The following MAST2 variants were observed in gnomAD, a reference collection of about 807,000 sequenced individuals.
MAST2 encodes microtubule associated serine/threonine kinase 2, also known as microtubule-associated serine/threonine-protein kinase 2.
MAST2 carries 70 observed loss-of-function variants against 147.4 expected under a neutral mutation model. The observed-to-expected ratio is 0.47, with a 90% CI of 0.39 to 0.58. The LOEUF (loss-of-function observed/expected upper bound fraction) is 0.58. Among genes scored for constraint, MAST2 ranks in the 20% least tolerant of loss-of-function variants. The pLI is 0.00. For missense variants in MAST2, 2,080 were observed against 2,302.3 expected (o/e 0.90, Z 1.98); for synonymous variants, 869 against 896.8 (o/e 0.97, Z 0.55).
intron 4 of MAST2, among the ~76,000 whole-genome samples, chr1:45,938,363 A>G (rs902109124): frequency 3.6e-4 from 55 of 152,148 alleles, no homozygotes; most frequent in African/African-American, 1.2e-3. Flanking sequence ...TCACTCTGTC[A>G]TCCAGGTTGG....
At chr1:45,974,615 C>G (rs1365864097) in intron 5 of MAST2, among the ~76,000 whole-genome samples, 1 of 152,032 alleles carries the variant, frequency 6.6e-6, no homozygotes, top group Non-Finnish European at 1.5e-5. Context: ...ATATTTTTTT[C>G]TCACTAAAAT....
At chr1:45,835,772 C>A (rs1645085254) in intron 3 of MAST2, among the ~76,000 whole-genome samples, 1 of 152,130 alleles carries the variant, frequency 6.6e-6, no homozygotes, top group Non-Finnish European at 1.5e-5. Context: ...ATTCCACCCT[C>A]ATTCTAGCTA....
At chr1:45,981,282 G>A (rs914984518) in intron 5 of MAST2, among the ~76,000 whole-genome samples, 2 of 152,074 alleles carry the variant, frequency 1.3e-5, no homozygotes, top group African/African-American at 2.4e-5. Flanking sequence ...ATGTTGGCCC[G>A]TCTGGTCTCA....
intron 4 of MAST2, among the ~76,000 whole-genome samples, chr1:45,886,520 A>G (rs1387378319): frequency 2.0e-5 from 3 of 152,034 alleles, no homozygotes; most frequent in African/African-American, 7.2e-5. Flanking sequence ...CTGAAACTAA[A>G]TCATTTTCAT....
chr1:45,831,090 T>C, intron 3 of MAST2, among the ~76,000 whole-genome samples: 1 of 151,792 alleles, frequency 6.6e-6, no homozygotes, highest in East Asian at 1.9e-4. Context: ...GGCAGGGCCT[T>C]ACAAAATTAA....
chr1:45,980,397 C>G (rs1225009096), intron 5 of MAST2, among the ~76,000 whole-genome samples: 1 of 152,100 alleles, frequency 6.6e-6, no homozygotes, highest in Non-Finnish European at 1.5e-5. Context: ...AATCGTACCC[C>G]AAACCTCAGC....
At chr1:45,866,531 A>G (rs1646157749) in intron 3 of MAST2, among the ~76,000 whole-genome samples, 1 of 152,098 alleles carries the variant, frequency 6.6e-6, no homozygotes, top group South Asian at 2.1e-4. Flanking sequence ...TATTTGTTGA[A>G]TGGGAAATAT....
chr1:45,884,001 A>G (rs978262433), intron 4 of MAST2, among the ~76,000 whole-genome samples: 5 of 138,194 alleles, frequency 3.6e-5, no homozygotes, highest in African/African-American at 1.1e-4. Context: ...TTAAGGCCTG[A>G]GACAGGTAGC....
At chr1:45,981,048 A>T (rs1644387147) in intron 5 of MAST2, among the ~76,000 whole-genome samples, 1 of 151,894 alleles carries the variant, frequency 6.6e-6, no homozygotes, top group Non-Finnish European at 1.5e-5. Flanking sequence ...CACATTTCTG[A>T]GGCTATGGTT....
chr1:45,932,691 C>G (rs1027970337), intron 4 of MAST2, among the ~76,000 whole-genome samples: 9 of 152,012 alleles, frequency 5.9e-5, no homozygotes, highest in Non-Finnish European at 1.0e-4. Context: ...CCCCTCCCCA[C>G]TCCAAAAAAA....
intron 4 of MAST2, among the ~76,000 whole-genome samples, chr1:45,929,924 A>ATACTATT (rs1655004786): frequency 6.6e-6 from 1 of 152,122 alleles, no homozygotes; most frequent in Non-Finnish European, 1.5e-5. Flanking sequence ...GTCTATGGTT[A>ATACTATT]TACTATTTTA....
intron 15 of MAST2, among the ~76,000 whole-genome samples, chr1:46,024,967 C>T (rs1202457172): frequency 6.6e-6 from 1 of 152,172 alleles, no homozygotes; most frequent in Non-Finnish European, 1.5e-5. Context: ...AGGTGAAAGG[C>T]ATGTCTCACA....
intron 18 of MAST2, 126 bp downstream of exon 18, chr1:46,029,059 C>A: frequency 9.1e-7 from 1 of 1,100,814 alleles, no homozygotes; most frequent in Non-Finnish European, 1.3e-6. Context: ...GTGATGTCTG[C>A]TGCTTTGGGG....
At chr1:45,907,340 A>G (rs924802142) in intron 4 of MAST2, among the ~76,000 whole-genome samples, 14 of 152,106 alleles carry the variant, frequency 9.2e-5, no homozygotes, top group Admixed American at 2.0e-4. Flanking sequence ...ATTTTCTCCA[A>G]TGTTTTCTTC....
At chr1:45,952,107 G>T (rs765273720) in intron 4 of MAST2, among the ~76,000 whole-genome samples, 1 of 152,224 alleles carries the variant, frequency 6.6e-6, no homozygotes, top group African/African-American at 2.4e-5. Context: ...ATATGTTCAT[G>T]CAAAAACTTG....
chr1:45,836,904 A>G (rs996683812), intron 3 of MAST2, among the ~76,000 whole-genome samples: 8 of 151,956 alleles, frequency 5.3e-5, no homozygotes, highest in African/African-American at 1.9e-4. Flanking sequence ...TGGAGGGGGG[A>G]TGGGAGGTGG....
chr1:46,023,441 C>T lies in MAST2; in HGVS notation c.1571+123C>T, dbSNP rs1646272205. ...GCCTCGGGGTGGACCTTCTCACTCC[C>T]AGAAGCCTCCTGGGTGGGCAGGAGT... On this transcript the variant is annotated intron_variant, in intron 14 of 28. Coordinates refer to ENST00000361297, the MANE Select transcript of MAST2 (RefSeq NM_015112.3). This position sits in a 1 kb window ranked among gnomAD's most constrained non-coding sequence, Gnocchi z 4.9. 1.2e-6 allele frequency: 1 copy of T among 856,366 alleles called. No homozygotes were observed. Among genetic ancestry groups the T allele is most frequent in the Admixed American group, 2.2e-5 (1 of 45,672 alleles). 53.0% of individuals were successfully genotyped at this position (856,366 alleles called of 1,614,324 possible). A position where few individuals can be genotyped will look rare whatever the true frequency, so the allele number is the denominator to read the frequency against.
chr1:45,925,887 A>G (rs1047262313), intron 4 of MAST2, among the ~76,000 whole-genome samples: 7 of 152,164 alleles, frequency 4.6e-5, no homozygotes, highest in African/African-American at 1.7e-4. Context: ...GGCACCTCCT[A>G]TGTCACACGT....
chr1:45,876,693 C>G (rs1170354347), intron 3 of MAST2, among the ~76,000 whole-genome samples: 2 of 152,138 alleles, frequency 1.3e-5, no homozygotes, highest in South Asian at 2.1e-4. Flanking sequence ...CTTGGACTAC[C>G]TTTATGTGGT....
Sources: allele counts gnomAD v4.1 joint callset (sites outside exome capture counted in the v4.1 genomes callset), GRCh38; gene constraint gnomAD v4.1.1; non-coding constraint Gnocchi (gnomAD v3.1); transcripts MANE v1.5; gene names NCBI Gene and HGNC (gene_info 2026-07-23, HGNC 2026-07-21).